CDH23: variants seen among roughly 807,000 people sequenced by gnomAD.
CDH23 encodes the protein cadherin-23.
In CDH23, 189 loss-of-function variants were observed where a neutral mutation model predicts 317.1. The observed-to-expected ratio is 0.60, with a 90% CI of 0.53 to 0.67. The LOEUF is 0.67. Among genes scored for constraint, CDH23 ranks in the 30% least tolerant of loss-of-function variants. CDH23 has a pLI of 0.00. For missense variants in CDH23, 4,401 were observed against 4,592.4 expected (o/e 0.96, Z 1.20); for synonymous variants, 1,839 against 1,876.8 (o/e 0.98, Z 0.52).
At chr10:71,403,326 C>CTTTCTTTCTTTCTTT (rs1847877800) in intron 1 of CDH23, among the ~76,000 whole-genome samples, 4 of 60,746 alleles carry the variant, frequency 6.6e-5, no homozygotes, top group Non-Finnish European at 1.2e-4. Context: ...TTCCTTCCTT[C>CTTTCTTTCTTTCTTT]CTTTCTTTCT....
At chr10:71,709,685 A>G (rs7072160) in intron 27 of CDH23, among the ~76,000 whole-genome samples, 49,457 of 152,086 alleles carry the variant, frequency 0.33, 9,290 homozygotes, top group African/African-American at 0.49. Flanking sequence ...TGTAACTCCC[A>G]GTATGACTGG....
intron 3 of CDH23, among the ~76,000 whole-genome samples, chr10:71,472,336 G>A (rs1044516671): frequency 2.0e-5 from 3 of 152,174 alleles, no homozygotes; most frequent in African/African-American, 4.8e-5. Flanking sequence ...TGTCCCTCCC[G>A]CAAAGGGCTG....
At chr10:71,569,847 A>T (rs897011790) in intron 7 of CDH23, among the ~76,000 whole-genome samples, 3 of 152,194 alleles carry the variant, frequency 2.0e-5, no homozygotes, top group African/African-American at 7.2e-5. Flanking sequence ...CTACTTAAAC[A>T]GTAGAAGATA....
At chr10:71,564,600 T>C (rs371292987) in intron 6 of CDH23, among the ~76,000 whole-genome samples, 68 of 152,330 alleles carry the variant, frequency 4.5e-4, no homozygotes, top group African/African-American at 1.5e-3. Flanking sequence ...CTCAGGACCA[T>C]GCGGTATGGA....
At chr10:71,578,852 C>G (rs146625425) in intron 9 of CDH23, among the ~76,000 whole-genome samples, 3 of 152,202 alleles carry the variant, frequency 2.0e-5, no homozygotes, top group African/African-American at 7.2e-5. Context: ...TACCCACTGC[C>G]TCTCCCTACC....
At position 71,777,782 on chromosome 10, in the gene CDH23, C is replaced by G. The variant is rs1182711379; in HGVS notation, c.4948C>G (p.Leu1650Val). 6.2e-7 allele frequency: 1 copy of G among 1,613,798 alleles called. No individual in the cohort carries two copies. Among genetic ancestry groups the G allele is most frequent in the Non-Finnish European group, 8.5e-7 (1 of 1,179,868 alleles). ...GCTGCTGGATGAGGGCCCAGACACG[C>G]TCAACACCAGCCTCATCACCATCCA... ...EVLLDEGPDT[L>V]NTSLITIQAL... is the part of the protein sequence containing the mutation. Residue 1650 changes from leucine (L) to valine (V), a missense_variant, in exon 39 of 70, where the codon CTC becomes GTC. By Grantham distance (32) the Leu-to-Val change is conservative (BLOSUM62 1). Around this residue, in one of 3 missense-constraint regions of CDH23, gnomAD observed 3,068 missense variants for 3,203.3 expected, o/e 0.96. Transcript: ENST00000224721.
At chr10:71,754,542 G>T (rs1840085038) in intron 38 of CDH23, among the ~76,000 whole-genome samples, 2 of 152,154 alleles carry the variant, frequency 1.3e-5, no homozygotes, top group Admixed American at 1.3e-4. Flanking sequence ...AGACTCAAGG[G>T]CAGGGTCAGG....
In CDH23 at chr10:71,675,096, G is replaced by A. The variant is rs1410726242; in HGVS notation, c.1450-16G>A. 2 of 1,613,116 alleles carry A rather than the reference G, an allele frequency of 1.2e-6. No homozygotes were observed. On this transcript the variant is annotated splice_polypyrimidine_tract_variant and intron_variant, in intron 14 of 69. Coordinates refer to ENST00000224721, the MANE Select transcript of CDH23 (RefSeq NM_022124.6). ...CTGGGCCTGGCAGTAATGACTTCTT[G>A]TTCTCGCTGTTGCAGGCAACTGACA...
In CDH23 at chr10:71,773,260, C is replaced by T. The variant is rs1840728239; in HGVS notation, c.4846-4420C>T. The T allele has an allele frequency of 3.7e-6, 5 of 1,365,778 alleles. 1 individual carries two copies. Among genetic ancestry groups the T allele is most frequent in the South Asian group, 2.6e-5 (2 of 77,274 alleles). The allele number at this position is 1,365,778 out of a possible 1,614,324, so 84.6% of individuals were successfully genotyped here. A position where few individuals can be genotyped will look rare whatever the true frequency, so the allele number is the denominator to read the frequency against. ...GGAGTGGGGTGCACGGTCACACAGG[C>T]TGAGAGGGCCCCCAGGACGCCCCCA... is the stretch of plus-strand genomic sequence containing the variant. On this transcript the variant is annotated intron_variant, in intron 38 of 69. Transcript: ENST00000224721.
intron 14 of CDH23, among the ~76,000 whole-genome samples, chr10:71,669,487 C>T (rs963863911): frequency 1.3e-5 from 2 of 149,260 alleles, no homozygotes; most frequent in African/African-American, 5.0e-5. Flanking sequence ...CGCATTCTGT[C>T]ACTAGGCTGA....
At chr10:71,408,532 T>A (rs1357680392) in intron 1 of CDH23, among the ~76,000 whole-genome samples, 1 of 152,158 alleles carries the variant, frequency 6.6e-6, no homozygotes. Flanking sequence ...TGAGTTACCA[T>A]GGGATGGCTA....
chr10:71,778,107 G>A (rs1410540473), intron 39 of CDH23, 82 bp from the exon 40 acceptor site: 4 of 1,571,946 alleles, frequency 2.5e-6, no homozygotes, highest in Non-Finnish European at 3.5e-6. Flanking sequence ...CCAATGTCAG[G>A]GCCTACTTCC....
Position 71,797,113 on chromosome 10 carries a change from T to A in CDH23, c.6722T>A (p.Met2241Lys). ...FAVNINTGSV[M>K]VKSPMNRELV... ...CTGGTCTGGTCCACAGGATCTGTAA[T>A]GGTGAAGTCCCCCATGAATCGGGAG... The change falls in exon 49 of 70, where the codon ATG (methionine) becomes AAG (lysine). Residue 2241 changes from methionine to lysine, a missense_variant. Physicochemically the swap from Met to Lys is moderately conservative, Grantham distance 95 (BLOSUM62 -1). Coordinates refer to ENST00000224721, the MANE Select transcript of CDH23 (RefSeq NM_022124.6). 1 of 1,611,454 alleles carries A rather than the reference T, an allele frequency of 6.2e-7. No homozygotes were observed. The highest frequency in any genetic ancestry group is 1.3e-5 in the African/African-American group (1 of 74,966).
At chr10:71,711,396 C>T (rs1354634864) in intron 27 of CDH23, among the ~76,000 whole-genome samples, 2 of 152,140 alleles carry the variant, frequency 1.3e-5, no homozygotes, top group South Asian at 2.1e-4. Context: ...AGAAGGATGG[C>T]GTCACCCTAG....
At chr10:71,734,751 C>T in intron 34 of CDH23, 93 bp downstream of exon 34, 1 of 799,770 alleles carries the variant, frequency 1.3e-6, no homozygotes, top group East Asian at 4.9e-5. Context: ...CCACCTCTCC[C>T]AGAGAGAAGG....
chr10:71,764,224 G>A (rs1232659705), intron 38 of CDH23, among the ~76,000 whole-genome samples: 1 of 152,210 alleles, frequency 6.6e-6, no homozygotes, highest in East Asian at 1.9e-4. Context: ...CACAGCATGT[G>A]TTGTGCACTA....
intron 3 of CDH23, among the ~76,000 whole-genome samples, chr10:71,484,500 C>T (rs903675321): frequency 2.0e-5 from 3 of 152,160 alleles, no homozygotes; most frequent in Non-Finnish European, 4.4e-5. Context: ...GGCTGGCACT[C>T]CCTGGGCCCC....
At position 71,679,336 on chromosome 10, in the gene CDH23, GC is replaced by G; in HGVS notation, c.1753-46del. On this transcript the variant is annotated intron_variant, in intron 16 of 69. Coordinates refer to ENST00000224721, the MANE Select transcript of CDH23 (RefSeq NM_022124.6). ...CCTCCCAGCTGCCCACCCTCTTCTG[GC>G]CCCCAGTCTCCTGCAGGCTCACGGC... 3.5e-6 allele frequency: 4 copies of G among 1,151,886 alleles called. No individual in the cohort carries two copies. The South Asian group carries it at 5.1e-5, about 15-fold the overall frequency. The allele number at this position is 1,151,886 out of a possible 1,614,324, so 71.4% of individuals were successfully genotyped here. A position where few individuals can be genotyped will look rare whatever the true frequency, so the allele number is the denominator to read the frequency against.
Position 71,694,239 on chromosome 10 carries a change from C to A in CDH23, c.2269C>A (p.Gln757Lys). The A allele has an allele frequency of 6.2e-7, 1 of 1,612,866 alleles. No individual in the cohort carries two copies. The highest frequency in any genetic ancestry group is 8.5e-7 in the Non-Finnish European group (1 of 1,179,400). The change falls in exon 21 of 70, where the codon CAG (glutamine) becomes AAG (lysine). Residue 757 changes from glutamine (Q) to lysine (K), a missense_variant. Gln to Lys is a moderately conservative substitution (Grantham distance 53). Coordinates refer to ENST00000224721, the MANE Select transcript of CDH23 (RefSeq NM_022124.6). ...AGTGGACGGGGGTGTGGGCCACAAC[C>A]AGAAAACTGGCATCGCCACCGTGAG... ...RAVDGGVGHNQKTGIATVNIT... is the reference protein window; with the variant it reads ...RAVDGGVGHNKKTGIATVNIT...
Sources: allele counts gnomAD v4.1 joint callset (sites outside exome capture counted in the v4.1 genomes callset), GRCh38; gene constraint gnomAD v4.1.1; regional missense constraint gnomAD v4.1.1; transcripts MANE v1.5; gene names NCBI Gene and HGNC (gene_info 2026-07-23, HGNC 2026-07-21).